Variants in ZNF3 observed in about 807,000 individuals in gnomAD.
ZNF3 encodes the protein zinc finger protein 3, also known as C2-H2 type zinc finger protein.
Under a neutral mutation model 36.9 loss-of-function variants are expected in ZNF3, and 16 were observed. The ratio of observed to expected loss-of-function variants is 0.43; its 90% CI spans 0.29 to 0.66. The LOEUF (loss-of-function observed/expected upper bound fraction) is 0.66, where lower values mean the gene tolerates loss of function less well. Among genes scored for constraint, ZNF3 ranks in the 30% least tolerant of loss-of-function variants. The pLI, the probability that ZNF3 is intolerant of heterozygous loss-of-function variation, is 0.13. For synonymous variants in ZNF3, 201 were observed against 201.9 expected, an observed-to-expected ratio of 1.00 and a Z score of 0.04; for missense variants, 462 against 543.1, an observed-to-expected ratio of 0.85 and a Z score of 1.48.
chr7:100,075,724 C>T, intron 3 of ZNF3, 94 bp from the exon 4 acceptor site: 1 of 1,191,854 alleles, frequency 8.4e-7, no homozygotes, highest in Non-Finnish European at 1.2e-6. Flanking sequence ...TCCCGGGGTC[C>T]TGGGACAACA....
downstream of ZNF3, among the ~76,000 whole-genome samples, chr7:100,067,887 A>G (rs185673197): frequency 2.5e-4 from 38 of 152,248 alleles, no homozygotes; most frequent in African/African-American, 8.7e-4. Flanking sequence ...TAGATGGAGG[A>G]GGATGAGGAG....
chr7:100,070,288 A>C lies in ZNF3; in HGVS notation c.*855T>G. 1 of 985,588 alleles carries C rather than the reference A, an allele frequency of 1.0e-6. No individual in the cohort carries two copies. The highest frequency in any genetic ancestry group is 1.2e-6 in the Non-Finnish European group (1 of 830,088). 61.1% of individuals were successfully genotyped at this position (985,588 alleles called of 1,614,324 possible). On this transcript the variant is annotated 3_prime_UTR_variant, in exon 6 of 6. Transcript: ENST00000299667. ...GGCTGGGTGTCAGAGGTGAGAGGGC[A>C]GGGCAAGCAGGCCAAGTGAGCTCCT...
rs1027075714 is a variant in ZNF3 at position 100,081,206 on chromosome 7, G to A, written c.-198+429C>T. ...TGCGTACGCTTAGCAGAATTTCTCT[G>A]ATCCTTGGACCCAGCTGCGTAAAAA... On this transcript the variant is annotated intron_variant, in intron 1 of 5. Transcript: ENST00000299667. This position sits in a 1 kb window ranked among gnomAD's most constrained non-coding sequence, Gnocchi z 4.3. Among the ~76,000 whole-genome samples the A allele has an allele frequency of 1.3e-5, 2 of 152,208 alleles. No homozygotes were observed. Among genetic ancestry groups the A allele is most frequent in the Non-Finnish European group, 2.9e-5 (2 of 68,042 alleles).
chr7:100,064,629 T>C, exon 6 of ZNF3: 3 of 1,607,916 alleles, frequency 1.9e-6, no homozygotes, highest in South Asian at 1.1e-5. Context: ...TTTCAAGCGC[T>C]CCTGTTGTTG....
chr7:100,066,792 T>C (rs1433719701), downstream of ZNF3, among the ~76,000 whole-genome samples: 2 of 151,900 alleles, frequency 1.3e-5, no homozygotes, highest in Non-Finnish European at 2.9e-5. Flanking sequence ...CCCAACACTT[T>C]GGGAGGTTGA....
At position 100,077,586 on chromosome 7, in the gene ZNF3, T is replaced by C. The variant is rs1267764034; in HGVS notation, c.-76-153A>G. On this transcript the variant is annotated intron_variant, in intron 2 of 5. Coordinates refer to ENST00000299667, the MANE Select transcript of ZNF3 (RefSeq NM_032924.5). Reference sequence around the variant, plus strand: ...TTTTATTTTCTTTTATTTTTTAATTTTTTTTTTCCTTTTTGTGGAGAACAG... The same window carrying C: ...TTTTATTTTCTTTTATTTTTTAATTCTTTTTTTCCTTTTTGTGGAGAACAG... 1.4e-5 allele frequency: 9 copies of C among 638,318 alleles called. 1 individual carries two copies. Among genetic ancestry groups the C allele is most frequent in the East Asian group, 7.4e-5 (2 of 27,032 alleles). The allele number at this position is 638,318 out of a possible 1,614,324, so 39.5% of individuals were successfully genotyped here. A position where few individuals can be genotyped will look rare whatever the true frequency, so the allele number is the denominator to read the frequency against.
At chr7:100,064,615 T>C in exon 6 of ZNF3, 1 of 1,612,530 alleles carries the variant, frequency 6.2e-7, no homozygotes. Flanking sequence ...AGAAGCACCG[T>C]AACTTTCAAG....
intron 5 of ZNF3, among the ~76,000 whole-genome samples, chr7:100,073,571 C>T (rs1179762499): frequency 6.6e-6 from 1 of 151,834 alleles, no homozygotes; most frequent in Non-Finnish European, 1.5e-5. Context: ...AGGCTGGTCT[C>T]AAACTCCTGA....
chr7:100,077,224 A>C, intron 3 of ZNF3, 79 bp downstream of exon 3: 1 of 1,563,410 alleles, frequency 6.4e-7, no homozygotes, highest in Non-Finnish European at 8.8e-7. Context: ...TAGTTAGCCT[A>C]GTACCTGGTA....
chr7:100,064,812 A>G (rs768186939), exon 6 of ZNF3: 92 of 1,613,876 alleles, frequency 5.7e-5, no homozygotes, highest in Non-Finnish European at 7.7e-5. Flanking sequence ...GAGGTTCCAC[A>G]CTCGCCAGTT....
At position 100,070,211 on chromosome 7, in the gene ZNF3, T is replaced by C. The variant is rs1350101663; in HGVS notation, c.*932A>G. The C allele has an allele frequency of 3.0e-6, 3 of 985,184 alleles. No individual in the cohort carries two copies. The highest frequency in any genetic ancestry group is 1.7e-5 in the African/African-American group (1 of 57,176). The allele number at this position is 985,184 out of a possible 1,614,324, so 61.0% of individuals were successfully genotyped here. On this transcript the variant is annotated 3_prime_UTR_variant, in exon 6 of 6. Transcript: ENST00000299667. Reference sequence around the variant, plus strand: ...GGGCTTTGCTCTTTCTCTGCATTAATCTTCAGCTGCTGAAGAGTCAGAGGT... The same window carrying C: ...GGGCTTTGCTCTTTCTCTGCATTAACCTTCAGCTGCTGAAGAGTCAGAGGT...
At position 100,081,275 on chromosome 7, in the gene ZNF3, T is replaced by C. The variant is rs577009463; in HGVS notation, c.-198+360A>G. Among the ~76,000 whole-genome samples, 15 of 152,300 alleles carry C rather than the reference T, an allele frequency of 9.8e-5. No homozygotes were observed. In the South Asian group the frequency reaches 2.3e-3, roughly 23 times the overall value. On this transcript the variant is annotated intron_variant, in intron 1 of 5. Transcript: ENST00000299667. This position sits in a 1 kb window ranked among gnomAD's most constrained non-coding sequence, Gnocchi z 4.3. ...ACGGGCGCGAATAACTGTGTTAACA[T>C]CAAATAAAAACGTCTGGGAGAAATA...
chr7:100,070,120 C>G lies in ZNF3; in HGVS notation c.*1023G>C. The G allele has an allele frequency of 1.0e-6, 1 of 985,860 alleles. No individual in the cohort carries two copies. Among genetic ancestry groups the G allele is most frequent in the Non-Finnish European group, 1.2e-6 (1 of 829,970 alleles). 61.1% of individuals were successfully genotyped at this position (985,860 alleles called of 1,614,324 possible). On this transcript the variant is annotated 3_prime_UTR_variant, in exon 6 of 6. Coordinates refer to ENST00000299667, the MANE Select transcript of ZNF3 (RefSeq NM_032924.5). Reference sequence around the variant, plus strand: ...CCCAGCAACGAGCTCTGCTACCAGGCTCAGGCACAGCCTGCCTTCTCTGGG... The same window carrying G: ...CCCAGCAACGAGCTCTGCTACCAGGGTCAGGCACAGCCTGCCTTCTCTGGG...
At chr7:100,068,149 TTA>T (rs202215636), downstream of ZNF3, among the ~76,000 whole-genome samples, 1,313 of 152,152 alleles carry the variant, frequency 8.6e-3, 8 homozygotes, top group Middle Eastern at 0.021. Context: ...TGCAGCAGCA[TTA>T]TCTCAGCTCA....
At chr7:100,081,825 C>T (rs558578025), upstream of ZNF3, 1 of 152,470 alleles carries the variant, frequency 6.6e-6, no homozygotes, top group African/African-American at 2.4e-5. The surrounding 1 kb of genome is among the most constrained non-coding windows in gnomAD (Gnocchi z 4.3). Context: ...AATGGGAGGT[C>T]CTCGCCTCTC....
intron 3 of ZNF3, among the ~76,000 whole-genome samples, chr7:100,076,657 C>T (rs558052771): frequency 5.1e-4 from 78 of 152,228 alleles, no homozygotes; most frequent in African/African-American, 1.9e-3. Context: ...AAAATGATTC[C>T]GAAGCGCCTC....
Position 100,064,778 on chromosome 7 carries a change from C to T in ZNF3, c.*10G>A, listed in dbSNP as rs750727037. The T allele has an allele frequency of 5.0e-6, 8 of 1,613,994 alleles. No individual in the cohort carries two copies. The South Asian group carries it at 7.7e-5, about 16-fold the overall frequency. On this transcript the variant is annotated 3_prime_UTR_variant, in exon 6 of 6. Transcript: ENST00000413658. ...GCGAGCTCCACAGCAACATGGCAGGCAGGAGGTCCTCAGAAGGTGTCAGGA... is the reference window on the plus strand; with the variant it reads ...GCGAGCTCCACAGCAACATGGCAGGTAGGAGGTCCTCAGAAGGTGTCAGGA...
exon 6 of ZNF3, chr7:100,064,789 CAGA>C (rs1274729388): frequency 5.6e-6 from 9 of 1,614,032 alleles, no homozygotes; most frequent in African/African-American, 1.3e-5. Context: ...AGGAGGTCCT[CAGA>C]AGGTGTCAGG....
chr7:100,075,105 G>C (rs531217077), intron 5 of ZNF3, 30 bp downstream of exon 5: 10 of 1,561,440 alleles, frequency 6.4e-6, no homozygotes, highest in Middle Eastern at 3.4e-4. Context: ...AAACACCAGC[G>C]AGTTTTGTTG....
Sources: gnomAD v4.1 joint callset for allele counts (sites outside exome capture counted in the v4.1 genomes callset) on GRCh38, gnomAD v4.1.1 for gene constraint, Gnocchi (gnomAD v3.1) non-coding constraint, MANE v1.5 for transcripts, NCBI Gene and HGNC (gene_info 2026-07-23, HGNC 2026-07-21) for gene names.